MAP3K7: variants seen among roughly 807,000 people sequenced by gnomAD.
MAP3K7 encodes mitogen-activated protein kinase kinase kinase 7, also known as TGF-beta activated kinase 1.
In MAP3K7, 21 loss-of-function variants were observed where a neutral mutation model predicts 84.8. The observed-to-expected ratio is 0.25, with a 90% CI of 0.18 to 0.36. The LOEUF is 0.36. Ranked by LOEUF, MAP3K7 falls within the 10% of genes least tolerant of loss-of-function variation. The probability of loss-of-function intolerance (pLI) is 1.00; values close to 1 mark genes in which losing one functional copy is unlikely to be tolerated. For synonymous variants in MAP3K7, 241 were observed against 247.7 expected, an observed-to-expected ratio of 0.97 and a Z score of 0.25; for missense variants, 503 against 747.7, an observed-to-expected ratio of 0.67 and a Z score of 3.82.
intron 13 of MAP3K7, among the ~76,000 whole-genome samples, chr6:90,527,866 CTTTTTTTTT>C (rs991440454): frequency 1.6e-4 from 7 of 44,648 alleles, no homozygotes; most frequent in East Asian, 1.2e-3. Flanking sequence ...TTCATAAGGA[CTTTTTTTTT>C]TTTTTTTTTT....
At chr6:90,573,567 T>A (rs1026561645) in intron 1 of MAP3K7, among the ~76,000 whole-genome samples, 20 of 152,350 alleles carry the variant, frequency 1.3e-4, no homozygotes, top group East Asian at 5.8e-4. Context: ...TTAACATTTA[T>A]TGAATGTTTA....
intron 13 of MAP3K7, among the ~76,000 whole-genome samples, chr6:90,528,627 G>GT (rs1257391116): frequency 1.3e-5 from 2 of 151,724 alleles, no homozygotes; most frequent in Non-Finnish European, 2.9e-5. Flanking sequence ...TTTAATTTTT[G>GT]TGTGTACATA....
chr6:90,528,811 A>G (rs1028091738), intron 13 of MAP3K7, among the ~76,000 whole-genome samples: 6 of 152,214 alleles, frequency 3.9e-5, no homozygotes, highest in Non-Finnish European at 2.9e-5. Context: ...AGAGAAAAAA[A>G]TCATAAATTA....
In MAP3K7 at chr6:90,581,148, C is replaced by T. The variant is rs115510974; in HGVS notation, c.120+5616G>A. On this transcript the variant is annotated intron_variant, in intron 1 of 16. Transcript: ENST00000369329. ...AATTTCTTTATGATGTAAGATGACT[C>T]CATTCCTTCAGACAAGTCATGTTAA... 4.7e-3 allele frequency among the ~76,000 whole-genome samples: 712 copies of T among 152,228 alleles called. 7 individuals carry two copies. Among genetic ancestry groups the T allele is most frequent in the African/African-American group, 0.016 (672 of 41,522 alleles).
chr6:90,532,575 T>C (rs1200464688), intron 13 of MAP3K7, among the ~76,000 whole-genome samples: 1 of 152,204 alleles, frequency 6.6e-6, no homozygotes, highest in Non-Finnish European at 1.5e-5. Context: ...ATCATAACTG[T>C]ATCATCTTGC....
At chr6:90,572,088 A>G (rs1776924760) in intron 1 of MAP3K7, among the ~76,000 whole-genome samples, 1 of 152,062 alleles carries the variant, frequency 6.6e-6, no homozygotes, top group Non-Finnish European at 1.5e-5. Flanking sequence ...ATGGAGGAAC[A>G]AAGTAAAGTG....
intron 6 of MAP3K7, among the ~76,000 whole-genome samples, chr6:90,555,029 A>G (rs1192043563): frequency 6.6e-6 from 1 of 152,204 alleles, no homozygotes; most frequent in African/African-American, 2.4e-5. Context: ...AACTGAATGT[A>G]TCTGAATTTT....
In MAP3K7 at chr6:90,547,096, T is replaced by C. The variant is rs566758782; in HGVS notation, c.1210+162A>G. ...TTCCTTATTTGGAATTTGAGATAAA[T>C]GCATAAACTATTGCTAGTAACTTAG... On this transcript the variant is annotated intron_variant, in intron 11 of 16. Transcript: ENST00000369329. 5.3e-5 allele frequency among the ~76,000 whole-genome samples: 8 copies of C among 152,280 alleles called. No individual in the cohort carries two copies. In the South Asian group the frequency reaches 1.5e-3, roughly 28 times the overall value.
chr6:90,530,450 C>G (rs1370812811), intron 13 of MAP3K7, among the ~76,000 whole-genome samples: 2 of 152,088 alleles, frequency 1.3e-5, no homozygotes, highest in African/African-American at 4.8e-5. Flanking sequence ...TTTGCTACAC[C>G]TTTCTTTTCA....
chr6:90,568,186 A>G (rs2127983291), intron 3 of MAP3K7, among the ~76,000 whole-genome samples: 1 of 152,358 alleles, frequency 6.6e-6, no homozygotes, highest in Non-Finnish European at 1.5e-5. Context: ...CACGTTGTGC[A>G]CATGTAACCT....
chr6:90,537,022 G>T (rs1775702868), intron 12 of MAP3K7: 1 of 151,914 alleles, frequency 6.6e-6, no homozygotes, highest in South Asian at 2.1e-4. Context: ...TTGTTGAAAT[G>T]GGCTATTGTG....
intron 11 of MAP3K7, among the ~76,000 whole-genome samples, chr6:90,546,633 A>C (rs1021244287): frequency 2.6e-5 from 4 of 152,194 alleles, no homozygotes; most frequent in African/African-American, 7.2e-5. Context: ...CTTAAGTAAC[A>C]AAACATGTAA....
chr6:90,566,616 T>C (rs1267596478), intron 3 of MAP3K7, among the ~76,000 whole-genome samples: 1 of 152,066 alleles, frequency 6.6e-6, no homozygotes, highest in African/African-American at 2.4e-5. Context: ...AGAATCAATA[T>C]CGTGAAAATG....
At position 90,518,466 on chromosome 6, in the gene MAP3K7, C is replaced by T. The variant is rs1775042954; in HGVS notation, c.1621G>A (p.Ala541Thr). 6.4e-7 allele frequency: 1 copy of T among 1,569,494 alleles called. No individual in the cohort carries two copies. The highest frequency in any genetic ancestry group is 2.2e-5 in the East Asian group (1 of 44,462). ...QEYMKVQTEI[A>T]LLLQRKQELV... is the part of the protein sequence containing the mutation. ...ACTTACTTTCTCTGTAATAACAATGCAATTTCTGTTTGAACTTTCATATAT... is the reference window on the plus strand; with the variant it reads ...ACTTACTTTCTCTGTAATAACAATGTAATTTCTGTTTGAACTTTCATATAT... Residue 541 changes from alanine (A) to threonine (T), a missense_variant, in exon 16 of 17, where the codon GCA becomes ACA. Around this residue, in one of 5 missense-constraint regions of MAP3K7, gnomAD observed 36 missense variants for 74.5 expected, o/e 0.48. Transcript: ENST00000369329.
chr6:90,522,199 T>G (rs1473652263), intron 14 of MAP3K7, among the ~76,000 whole-genome samples: 1 of 152,152 alleles, frequency 6.6e-6, no homozygotes, highest in Non-Finnish European at 1.5e-5. Flanking sequence ...TTTTGTGGTG[T>G]TTCTAGGTAC....
intron 14 of MAP3K7, among the ~76,000 whole-genome samples, chr6:90,522,609 T>C (rs1473008547): frequency 1.3e-5 from 2 of 152,138 alleles, no homozygotes; most frequent in East Asian, 1.9e-4. Flanking sequence ...GGTTGGGCTG[T>C]GCTAGGGGTG....
chr6:90,519,587 C>T (rs1449504932), intron 14 of MAP3K7, among the ~76,000 whole-genome samples: 2 of 151,926 alleles, frequency 1.3e-5, no homozygotes, highest in Non-Finnish European at 2.9e-5. Flanking sequence ...ATTAGAGCTT[C>T]TAAGCTCTTA....
chr6:90,575,814 A>C (rs1777056044), intron 1 of MAP3K7, among the ~76,000 whole-genome samples: 1 of 152,106 alleles, frequency 6.6e-6, no homozygotes, highest in Non-Finnish European at 1.5e-5. Context: ...TTGATGTTGA[A>C]AGAATAATGA....
chr6:90,518,976 T>C (rs1311659878), intron 15 of MAP3K7, among the ~76,000 whole-genome samples: 2 of 151,892 alleles, frequency 1.3e-5, no homozygotes, highest in African/African-American at 4.8e-5. Flanking sequence ...TTTGTTTTAA[T>C]GCACTAAAAT....
Sources: allele counts gnomAD v4.1 joint callset (sites outside exome capture counted in the v4.1 genomes callset), GRCh38; gene constraint gnomAD v4.1.1; regional missense constraint gnomAD v4.1.1; transcripts MANE v1.5; gene names NCBI Gene and HGNC (gene_info 2026-07-23, HGNC 2026-07-21).